TMEM232: variants seen among roughly 807,000 people sequenced by gnomAD.
TMEM232 encodes transmembrane protein 232.
TMEM232 carries 80 observed loss-of-function variants against 78.8 expected under a neutral mutation model. That is an observed-to-expected ratio of 1.01 (90% CI 0.85 to 1.22). TMEM232 has a LOEUF of 1.22. Ranked by LOEUF, TMEM232 falls within the 50% of genes most tolerant of loss-of-function variation. TMEM232 has a pLI of 0.00. For missense variants in TMEM232, 881 were observed against 742.2 expected (o/e 1.19, Z -2.17); for synonymous variants, 297 against 254.3 (o/e 1.17, Z -1.60).
At position 110,606,254 on chromosome 5, in the gene TMEM232, C is replaced by T; in HGVS notation, c.936G>A (p.Gly312=). The T allele has an allele frequency of 1.3e-6, 2 of 1,543,366 alleles. No homozygotes were observed. Among genetic ancestry groups the T allele is most frequent in the Middle Eastern group, 1.7e-4 (1 of 5,946 alleles). Residue 312 remains glycine (G), a synonymous_variant, in exon 9 of 14, where the codon GGG becomes GGA. Transcript: ENST00000455884. ...AGGCCATGTTTAATTTGGCAGCCTCCCCAAGGACCAGTAAAGCCAGTACTG... is the reference window on the plus strand; with the variant it reads ...AGGCCATGTTTAATTTGGCAGCCTCTCCAAGGACCAGTAAAGCCAGTACTG... ...LDSVLALLVL[G]EAAKLNMACL...
chr5:110,575,093 A>G (rs961972613), intron 10 of TMEM232, among the ~76,000 whole-genome samples: 2 of 152,078 alleles, frequency 1.3e-5, no homozygotes, highest in Non-Finnish European at 2.9e-5. Context: ...TTTGGATAGC[A>G]GGATACAAAG....
chr5:110,709,615 C>T (rs191968895), intron 1 of TMEM232, among the ~76,000 whole-genome samples: 7 of 152,006 alleles, frequency 4.6e-5, no homozygotes, highest in South Asian at 4.2e-4. Context: ...GAAAATTAAA[C>T]GATGCGCACC....
chr5:110,646,091 CAAAG>C (rs1787439050), intron 2 of TMEM232, among the ~76,000 whole-genome samples: 1 of 151,306 alleles, frequency 6.6e-6, no homozygotes, highest in Non-Finnish European at 1.5e-5. Context: ...CTGTAAAAAA[CAAAG>C]AAGACATAGA....
At position 110,721,669 on chromosome 5, in the gene TMEM232, G is replaced by GTATATATATATATATATATA. The variant is rs749643657; in HGVS notation, c.-13+4957_-13+4958insTATATATATATATATATATA. ...GTCTGCATATCATGTGTGTGTGTGT[G>GTATATATATATATATATATA]TGTGTATATATATATCTGTGTGTGT... is the stretch of plus-strand genomic sequence containing the variant. On this transcript the variant is annotated intron_variant, in intron 1 of 13. Coordinates refer to ENST00000455884, the MANE Select transcript of TMEM232 (RefSeq NM_001039763.4). Among the ~76,000 whole-genome samples, 231 of 23,806 alleles carry GTATATATATATATATATATA rather than the reference G, an allele frequency of 9.7e-3. 13 individuals are homozygous for GTATATATATATATATATATA. Among genetic ancestry groups the GTATATATATATATATATATA allele is most frequent in the African/African-American group, 0.015 (193 of 12,688 alleles). 15.6% of individuals were successfully genotyped at this position (23,806 alleles called of 152,430 possible).
chr5:110,553,151 G>C (rs1774666235), intron 11 of TMEM232, among the ~76,000 whole-genome samples: 1 of 152,110 alleles, frequency 6.6e-6, no homozygotes, highest in Non-Finnish European at 1.5e-5. Flanking sequence ...TTGTAGTATA[G>C]TTTGTAGTTG....
chr5:110,444,229 T>G (rs1759389801), intron 12 of TMEM232, among the ~76,000 whole-genome samples: 1 of 152,134 alleles, frequency 6.6e-6, no homozygotes, highest in South Asian at 2.1e-4. Context: ...CTTCAGCCCC[T>G]GATGACAAGG....
intron 1 of TMEM232, among the ~76,000 whole-genome samples, chr5:110,723,170 A>G (rs1797817437): frequency 6.6e-6 from 1 of 152,148 alleles, no homozygotes; most frequent in Admixed American, 6.6e-5. Context: ...GCTATTAATT[A>G]TTGATTCCAT....
At chr5:110,427,764 C>T (rs1047578301) in intron 12 of TMEM232, among the ~76,000 whole-genome samples, 11 of 152,002 alleles carry the variant, frequency 7.2e-5, no homozygotes, top group African/African-American at 2.7e-4. Flanking sequence ...CTGTCTGTGT[C>T]TCTGTCTCCA....
At chr5:110,542,389 C>T (rs574772296) in intron 11 of TMEM232, among the ~76,000 whole-genome samples, 1 of 152,256 alleles carries the variant, frequency 6.6e-6, no homozygotes, top group Admixed American at 6.5e-5. Context: ...CCCATTAAAT[C>T]TTTTAACCAA....
chr5:110,559,713 T>G (rs189551596), intron 11 of TMEM232, among the ~76,000 whole-genome samples: 1 of 152,286 alleles, frequency 6.6e-6, no homozygotes, highest in African/African-American at 2.4e-5. Context: ...CCTGGTGTTA[T>G]GAGAACAAAG....
intron 4 of TMEM232, among the ~76,000 whole-genome samples, chr5:110,389,434 G>A (rs371037082): frequency 6.6e-5 from 10 of 152,244 alleles, no homozygotes; most frequent in African/African-American, 1.7e-4. Flanking sequence ...AAATTAATGC[G>A]TGGCTGAGCA....
At chr5:110,468,391 T>G (rs1006042805) in intron 12 of TMEM232, among the ~76,000 whole-genome samples, 1 of 152,076 alleles carries the variant, frequency 6.6e-6, no homozygotes, top group Non-Finnish European at 1.5e-5. Flanking sequence ...GAAACTATTT[T>G]AAACTGAGAG....
At chr5:110,545,684 A>C (rs1163391119) in intron 11 of TMEM232, among the ~76,000 whole-genome samples, 4 of 152,138 alleles carry the variant, frequency 2.6e-5, no homozygotes, top group Admixed American at 2.0e-4. Context: ...TATCATTAAG[A>C]ATAAAAACAA....
intron 11 of TMEM232, among the ~76,000 whole-genome samples, chr5:110,550,280 G>A (rs550567915): frequency 5.3e-5 from 8 of 152,068 alleles, no homozygotes; most frequent in Non-Finnish European, 8.8e-5. Flanking sequence ...GTTAAACTTG[G>A]AAAAATTGAG....
At chr5:110,431,754 G>C (rs1436619189) in intron 12 of TMEM232, among the ~76,000 whole-genome samples, 1 of 151,716 alleles carries the variant, frequency 6.6e-6, no homozygotes, top group African/African-American at 2.4e-5. Context: ...GAAGTTGGTA[G>C]GTGTATATAA....
intron 12 of TMEM232, among the ~76,000 whole-genome samples, chr5:110,428,875 T>C (rs1757530029): frequency 6.6e-6 from 1 of 151,832 alleles, no homozygotes; most frequent in East Asian, 1.9e-4. Flanking sequence ...GACTTAGTCA[T>C]ATCTTTTGGG....
intron 11 of TMEM232, among the ~76,000 whole-genome samples, chr5:110,558,407 G>A (rs1775360334): frequency 6.6e-6 from 1 of 152,076 alleles, no homozygotes; most frequent in Non-Finnish European, 1.5e-5. Flanking sequence ...GAGCAGTAGG[G>A]GAAGGCTATA....
At chr5:110,435,493 G>C (rs1451440006) in intron 12 of TMEM232, among the ~76,000 whole-genome samples, 2 of 151,520 alleles carry the variant, frequency 1.3e-5, no homozygotes, top group East Asian at 1.9e-4. Flanking sequence ...CAAATATGTA[G>C]AATTAAATAA....
In TMEM232 at chr5:110,627,916, TG is replaced by T. The variant is rs554114943; in HGVS notation, c.502-37del. 2.1e-5 allele frequency: 28 copies of T among 1,326,420 alleles called. No individual in the cohort carries two copies. In the South Asian group the frequency reaches 3.9e-4, roughly 18 times the overall value. 82.2% of individuals were successfully genotyped at this position (1,326,420 alleles called of 1,614,324 possible). ...AGAAAAGAAAAATACATTTTTGTGT[TG>T]CATCAATAAATGTTTAAAAACCATA... On this transcript the variant is annotated intron_variant, in intron 5 of 13. Coordinates refer to ENST00000455884, the MANE Select transcript of TMEM232 (RefSeq NM_001039763.4).
Sources: allele counts gnomAD v4.1 joint callset (sites outside exome capture counted in the v4.1 genomes callset), GRCh38; gene constraint gnomAD v4.1.1; transcripts MANE v1.5; gene names NCBI Gene and HGNC (gene_info 2026-07-23, HGNC 2026-07-21).